The following DOCK5 variants were observed in gnomAD, a reference collection of about 807,000 sequenced individuals.
The protein encoded by DOCK5 is dedicator of cytokinesis protein 5.
Under a neutral mutation model 251.8 loss-of-function variants are expected in DOCK5, and 142 were observed. The ratio of observed to expected loss-of-function variants is 0.56; its 90% CI spans 0.49 to 0.65. The LOEUF is 0.65. Ranked by LOEUF, DOCK5 falls within the 30% of genes least tolerant of loss-of-function variation. DOCK5 has a pLI of 0.00. For synonymous variants in DOCK5, 842 were observed against 835.5 expected (o/e 1.01, Z -0.13); for missense variants, 2,111 against 2,312.3 (o/e 0.91, Z 1.79).
chr8:25,350,192 A>G (rs958822074), intron 26 of DOCK5, among the ~76,000 whole-genome samples: 1 of 152,222 alleles, frequency 6.6e-6, no homozygotes, highest in Non-Finnish European at 1.5e-5. Flanking sequence ...CACGCTGGAT[A>G]AGTACAGTCT....
At chr8:25,301,955 A>T (rs1169352940) in intron 9 of DOCK5, among the ~76,000 whole-genome samples, 1 of 152,170 alleles carries the variant, frequency 6.6e-6, no homozygotes, top group East Asian at 1.9e-4. Flanking sequence ...TTTTTACTTC[A>T]TTTGATGTTG....
intron 2 of DOCK5, among the ~76,000 whole-genome samples, chr8:25,247,527 G>A (rs1300354925): frequency 6.6e-6 from 1 of 152,042 alleles, no homozygotes; most frequent in Non-Finnish European, 1.5e-5. Context: ...AGCCTGGGAG[G>A]CAGAGGCTGC....
At position 25,412,034 on chromosome 8, in the gene DOCK5, C is replaced by T. The variant is rs938049927; in HGVS notation, c.*736C>T. 2 of 149,576 alleles carry T rather than the reference C, an allele frequency of 1.3e-5. No individual in the cohort carries two copies. The highest frequency in any genetic ancestry group is 3.0e-5 in the Non-Finnish European group (2 of 67,600). The allele number at this position is 149,576 out of a possible 1,614,324, so 9.3% of individuals were successfully genotyped here. On this transcript the variant is annotated 3_prime_UTR_variant, in exon 52 of 52. Coordinates refer to ENST00000276440, the MANE Select transcript of DOCK5 (RefSeq NM_024940.8). ...GGCCTTCACTGCGTCGCAGTCACTC[C>T]TTCCCTACGGACTTCTTTGAAGCTC...
intron 2 of DOCK5, among the ~76,000 whole-genome samples, chr8:25,248,496 G>A (rs1028505208): frequency 6.6e-6 from 1 of 152,128 alleles, no homozygotes; most frequent in African/African-American, 2.4e-5. Context: ...TCCTGTCGGA[G>A]CTGACTTTGG....
rs939467643 is a variant in DOCK5, at chr8:25,185,090, G to A, written c.43+139G>A. ...CGGCTGCGCAGCTCTGGGAGCCGGGGACGGTAGGAGTCCTCTCCAGGGAGC... is the reference window on the plus strand; with the variant it reads ...CGGCTGCGCAGCTCTGGGAGCCGGGAACGGTAGGAGTCCTCTCCAGGGAGC... On this transcript the variant is annotated intron_variant, in intron 1 of 51. Transcript: ENST00000276440. 2.4e-5 allele frequency: 24 copies of A among 1,013,016 alleles called. No individual in the cohort carries two copies. The Middle Eastern group carries it at 1.4e-3, about 60-fold the overall frequency. 62.8% of individuals were successfully genotyped at this position (1,013,016 alleles called of 1,614,324 possible).
chr8:25,306,662 C>G (rs1035540389), intron 11 of DOCK5, among the ~76,000 whole-genome samples: 12 of 151,620 alleles, frequency 7.9e-5, no homozygotes, highest in African/African-American at 2.2e-4. Flanking sequence ...CCACTGCACT[C>G]CAGCCTCGGC....
chr8:25,314,997 T>C (rs534139843), intron 13 of DOCK5, among the ~76,000 whole-genome samples: 1 of 149,322 alleles, frequency 6.7e-6, no homozygotes, highest in East Asian at 2.0e-4. Context: ...GTTTTCATGT[T>C]TCTGTTCTTT....
In DOCK5 at chr8:25,346,006, C is replaced by T. The variant is rs545251547; in HGVS notation, c.2754+395C>T. On this transcript the variant is annotated intron_variant, in intron 26 of 51. Coordinates refer to ENST00000276440, the MANE Select transcript of DOCK5 (RefSeq NM_024940.8). Reference sequence around the variant, plus strand: ...CTGGGACTACAGGCGCCCGCCACCACGCCCGGCTAATTTTTTTGTATTTTT... The same window carrying T: ...CTGGGACTACAGGCGCCCGCCACCATGCCCGGCTAATTTTTTTGTATTTTT... 1.5e-3 allele frequency among the ~76,000 whole-genome samples: 236 copies of T among 152,280 alleles called. 1 individual carries two copies. Among genetic ancestry groups the T allele is most frequent in the Middle Eastern group, 6.8e-3 (2 of 294 alleles).
chr8:25,370,920 C>T (rs1208227598), intron 34 of DOCK5, among the ~76,000 whole-genome samples: 3 of 152,152 alleles, frequency 2.0e-5, no homozygotes, highest in African/African-American at 7.2e-5. Flanking sequence ...CTGGGATTTA[C>T]AGGCATGAGC....
chr8:25,254,773 C>CAAAAAAAAAA (rs745860086), intron 2 of DOCK5, among the ~76,000 whole-genome samples: 66 of 6,562 alleles, frequency 0.01, 29 homozygotes, highest in South Asian at 0.029. Flanking sequence ...GACTTTGTCT[C>CAAAAAAAAAA]AAAAAAAAAC....
intron 33 of DOCK5, 78 bp downstream of exon 33, chr8:25,368,803 A>G (rs1043143865): frequency 1.4e-6 from 2 of 1,403,602 alleles, no homozygotes; most frequent in African/African-American, 1.4e-5. Context: ...TATATAGAGA[A>G]GCAGTAACCT....
At chr8:25,199,066 C>G (rs968584751) in intron 1 of DOCK5, among the ~76,000 whole-genome samples, 1 of 152,156 alleles carries the variant, frequency 6.6e-6, no homozygotes, top group African/African-American at 2.4e-5. Context: ...TGACTTCTCA[C>G]GTGGTTTCAG....
At chr8:25,223,557 G>A (rs976554684) in intron 1 of DOCK5, among the ~76,000 whole-genome samples, 4 of 152,262 alleles carry the variant, frequency 2.6e-5, no homozygotes, top group Non-Finnish European at 4.4e-5. Flanking sequence ...TCAAGCAATC[G>A]TCCTGTCTTG....
At chr8:25,360,377 G>C (rs1286828021) in intron 28 of DOCK5, among the ~76,000 whole-genome samples, 2 of 152,172 alleles carry the variant, frequency 1.3e-5, no homozygotes. Context: ...GGGAACCATA[G>C]CAATATGTAG....
chr8:25,302,567 TCAA>T, intron 10 of DOCK5, 113 bp downstream of exon 10: 1 of 1,324,490 alleles, frequency 7.6e-7, no homozygotes. Flanking sequence ...CTGCCCTGCT[TCAA>T]AACAATCAAA....
At chr8:25,288,658 A>G (rs1387037878) in intron 5 of DOCK5, among the ~76,000 whole-genome samples, 1 of 152,264 alleles carries the variant, frequency 6.6e-6, no homozygotes, top group Admixed American at 6.5e-5. Context: ...CTAAAAGTGG[A>G]CAAATGCGTT....
intron 26 of DOCK5, 124 bp downstream of exon 26, chr8:25,345,735 C>A: frequency 7.3e-7 from 1 of 1,366,338 alleles, no homozygotes; most frequent in Non-Finnish European, 1.0e-6. Context: ...GCAGGCTGTG[C>A]CCATTTTAGA....
At chr8:25,303,568 C>T (rs1464480603) in intron 10 of DOCK5, among the ~76,000 whole-genome samples, 1 of 152,166 alleles carries the variant, frequency 6.6e-6, no homozygotes, top group South Asian at 2.1e-4. Context: ...ATTTTGGTTG[C>T]TCATAGATTG....
chr8:25,365,816 G>T (rs1027029845), intron 30 of DOCK5, among the ~76,000 whole-genome samples: 12 of 152,170 alleles, frequency 7.9e-5, no homozygotes, highest in Non-Finnish European at 1.6e-4. Flanking sequence ...TCAGTGCCCT[G>T]CCTCCAGGCC....
Sources: allele counts gnomAD v4.1 joint callset (sites outside exome capture counted in the v4.1 genomes callset), GRCh38; gene constraint gnomAD v4.1.1; transcripts MANE v1.5; gene names NCBI Gene and HGNC (gene_info 2026-07-23, HGNC 2026-07-21).